EPB41L5: variants seen among roughly 807,000 people sequenced by gnomAD.
The protein encoded by EPB41L5 is erythrocyte membrane protein band 4.1 like 5.
A neutral mutation model predicts 106.6 loss-of-function variants in EPB41L5; 55 were observed. The observed-to-expected ratio is 0.52, with a 90% confidence interval of 0.42 to 0.65. EPB41L5 has a LOEUF of 0.65. Among genes scored for constraint, EPB41L5 ranks in the 30% least tolerant of loss-of-function variants. EPB41L5 has a pLI of 0.00. For synonymous variants in EPB41L5, 297 were observed against 306.7 expected, an observed-to-expected ratio of 0.97 and a Z score of 0.33; for missense variants, 871 against 882.1, an observed-to-expected ratio of 0.99 and a Z score of 0.16.
chr2:120,063,683 C>T (rs753781094), intron 3 of EPB41L5, among the ~76,000 whole-genome samples: 3 of 152,122 alleles, frequency 2.0e-5, no homozygotes, highest in East Asian at 3.9e-4. Context: ...CAGTGGCTCA[C>T]GCCTGTAATC....
intron 10 of EPB41L5, among the ~76,000 whole-genome samples, chr2:120,079,470 CCTCTTTA>C (rs1184215909): frequency 6.6e-6 from 1 of 152,116 alleles, no homozygotes; most frequent in African/African-American, 2.4e-5. Context: ...CTCAGGTTCC[CCTCTTTA>C]CTGAGAGTTT....
intron 3 of EPB41L5, among the ~76,000 whole-genome samples, chr2:120,068,133 G>A (rs1681575177): frequency 6.6e-6 from 1 of 152,200 alleles, no homozygotes; most frequent in Admixed American, 6.5e-5. Context: ...TGGAGGGCAA[G>A]CCGAAGCAGA....
At chr2:120,131,583 A>G (rs964937700) in intron 17 of EPB41L5, 35 bp from the exon 18 acceptor site, 1 of 1,493,056 alleles carries the variant, frequency 6.7e-7, no homozygotes, top group Admixed American at 1.7e-5. Context: ...AGCCTGGCAG[A>G]CTGGGGTTAT....
rs543734533 is a variant in EPB41L5 at position 120,177,711 on chromosome 2, T to C, written c.*2804T>C. 1.3e-5 allele frequency: 2 copies of C among 152,368 alleles called. No individual in the cohort carries two copies. The highest frequency in any genetic ancestry group is 2.4e-5 in the African/African-American group (1 of 41,580). 9.4% of individuals were successfully genotyped at this position (152,368 alleles called of 1,614,324 possible). On this transcript the variant is annotated 3_prime_UTR_variant, in exon 25 of 25. Coordinates refer to ENST00000263713, the MANE Select transcript of EPB41L5 (RefSeq NM_020909.4). ...TTCTGTTCCTTGTGTGCTTACTTCC[T>C]TAACATTTATACATTGTTTTAAGAA...
chr2:120,013,501 C>G (rs930704777), intron 1 of EPB41L5: 9 of 152,200 alleles, frequency 5.9e-5, no homozygotes, highest in African/African-American at 1.7e-4. Flanking sequence ...GTTTGCCGAG[C>G]GGACGCGCTC....
chr2:120,080,015 A>AT (rs1008330359), intron 10 of EPB41L5, among the ~76,000 whole-genome samples: 9 of 151,934 alleles, frequency 5.9e-5, no homozygotes, highest in African/African-American at 9.7e-5. Flanking sequence ...CCTTAAAATG[A>AT]TTTTTTTGTC....
intron 5 of EPB41L5, 47 bp from the exon 6 acceptor site, chr2:120,075,429 A>AC: frequency 1.5e-6 from 2 of 1,370,626 alleles, no homozygotes; most frequent in Non-Finnish European, 2.1e-6. Context: ...TTTTTTTCAC[A>AC]GTCGATTGTG....
intron 3 of EPB41L5, among the ~76,000 whole-genome samples, chr2:120,059,462 T>A (rs564135758): frequency 7.1e-4 from 108 of 152,074 alleles, no homozygotes; most frequent in Non-Finnish European, 1.2e-3. Context: ...GGATGATTTT[T>A]AAAAAAAAGA....
intron 3 of EPB41L5, 75 bp from the exon 4 acceptor site, chr2:120,073,103 A>T: frequency 7.5e-7 from 1 of 1,330,938 alleles, no homozygotes; most frequent in South Asian, 1.2e-5. Context: ...CACAATGAAA[A>T]GTAACTTTTA....
chr2:120,153,009 C>G (rs932335681), intron 20 of EPB41L5, among the ~76,000 whole-genome samples: 5 of 152,112 alleles, frequency 3.3e-5, no homozygotes, highest in Non-Finnish European at 7.4e-5. Context: ...ATTTGTCAAT[C>G]TTGTTGATCT....
intron 24 of EPB41L5, 101 bp downstream of exon 24, chr2:120,168,108 A>C: frequency 7.5e-7 from 1 of 1,342,132 alleles, no homozygotes. Flanking sequence ...ATTCTTCCCT[A>C]ACTGAACTAT....
Position 120,160,927 on chromosome 2 carries a change from G to C in EPB41L5, c.1840G>C (p.Glu614Gln). ...NNVPLPKESL[E>Q]TLMLITPADS... ...TGTGCCCCTCCCCAAAGAGTCTCTT[G>C]AGACTCTGATGCTTATCACACCTGC... Residue 614 changes from glutamate to glutamine, a missense_variant, in exon 21 of 25, where the codon GAG becomes CAG. Transcript: ENST00000263713. 6.2e-7 allele frequency: 1 copy of C among 1,613,960 alleles called. No individual in the cohort carries two copies. The highest frequency in any genetic ancestry group is 8.5e-7 in the Non-Finnish European group (1 of 1,179,850).
intron 2 of EPB41L5, among the ~76,000 whole-genome samples, chr2:120,039,484 G>A (rs949286922): frequency 6.6e-6 from 1 of 152,106 alleles, no homozygotes; most frequent in Non-Finnish European, 1.5e-5. Context: ...GTGAAGTTGG[G>A]TCAGTGTACT....
chr2:120,112,147 G>A (rs1395146258), intron 16 of EPB41L5, among the ~76,000 whole-genome samples: 2 of 151,890 alleles, frequency 1.3e-5, no homozygotes. Context: ...TTTCATCTTA[G>A]TATGTGTTTG....
Position 120,091,588 on chromosome 2 carries a change from T to C in EPB41L5, c.1077T>C (p.Asn359=), listed in dbSNP as rs1415075457. 1.5e-5 allele frequency: 25 copies of C among 1,613,634 alleles called. No individual in the cohort carries two copies. Among genetic ancestry groups the C allele is most frequent in the Non-Finnish European group, 2.1e-5 (25 of 1,179,830 alleles). Residue 359 remains asparagine (N), a synonymous_variant, in exon 13 of 25, where the codon AAT becomes AAC. Coordinates refer to ENST00000263713, the MANE Select transcript of EPB41L5 (RefSeq NM_020909.4). The stretch of plus-strand genomic sequence containing the variant: ...CAGAGTATCAGACCACAAAAACCAA[T>C]AAAGCAAGAAGATCAACATCCTTTG... ...GKTEYQTTKT[N]KARRSTSFER...
chr2:120,127,918 T>C (rs1685530983), intron 17 of EPB41L5, 67 bp downstream of exon 17: 2 of 1,364,258 alleles, frequency 1.5e-6, no homozygotes, highest in Non-Finnish European at 2.0e-6. Context: ...GATATTTAAA[T>C]CAGCTTCTCC....
chr2:120,163,261 C>G (rs1053110353), intron 21 of EPB41L5, among the ~76,000 whole-genome samples: 4 of 114,488 alleles, frequency 3.5e-5, no homozygotes, highest in South Asian at 3.3e-4. Flanking sequence ...TCCCTCTGCC[C>G]CCCCCCCCCC....
intron 16 of EPB41L5, among the ~76,000 whole-genome samples, chr2:120,117,555 G>A (rs1193180495): frequency 1.3e-5 from 2 of 152,282 alleles, no homozygotes; most frequent in East Asian, 3.9e-4. Context: ...ACCTCTCATA[G>A]CCTCACTGAC....
chr2:120,145,836 C>A (rs1238485016), intron 19 of EPB41L5, among the ~76,000 whole-genome samples: 1 of 151,996 alleles, frequency 6.6e-6, no homozygotes, highest in Non-Finnish European at 1.5e-5. Context: ...ATCCCAGCTA[C>A]TCGGGAGGCT....
Sources: gnomAD v4.1 joint callset for allele counts (sites outside exome capture counted in the v4.1 genomes callset) on GRCh38, gnomAD v4.1.1 for gene constraint, MANE v1.5 for transcripts, NCBI Gene and HGNC (gene_info 2026-07-23, HGNC 2026-07-21) for gene names.